The following POLR3E variants were observed in gnomAD, a reference collection of about 807,000 sequenced individuals.
POLR3E encodes RNA polymerase III subunit E, also known as DNA-directed RNA polymerase III subunit RPC5.
A neutral mutation model predicts 96.6 loss-of-function variants in POLR3E; 41 were observed. The observed-to-expected ratio is 0.42, with a 90% CI of 0.33 to 0.55. The LOEUF (loss-of-function observed/expected upper bound fraction) is 0.55. POLR3E is among the 20% of genes least tolerant of loss of function. The pLI, the probability that POLR3E is intolerant of heterozygous loss-of-function variation, is 0.06. For synonymous variants in POLR3E, 396 were observed against 383.6 expected (o/e 1.03, Z -0.38); for missense variants, 849 against 952.1 (o/e 0.89, Z 1.43).
chr16:22,332,046 T>G lies in POLR3E; in HGVS notation c.1945-14T>G, dbSNP rs780000129. 16 of 1,612,674 alleles carry G rather than the reference T, an allele frequency of 9.9e-6. No individual in the cohort carries two copies. In the South Asian group the frequency reaches 1.6e-4, roughly 17 times the overall value. ...ATCACTGTTTCCCATCATAACGTGT[T>G]TTTGCTACTAAAGCATCGACAGGTT... On this transcript the variant is annotated splice_polypyrimidine_tract_variant and intron_variant, in intron 19 of 20. Coordinates refer to ENST00000299853, the MANE Select transcript of POLR3E (RefSeq NM_018119.4).
At position 22,313,002 on chromosome 16, in the gene POLR3E, C is replaced by T. The variant is rs184830195; in HGVS notation, c.365-618C>T. On this transcript the variant is annotated intron_variant, in intron 6 of 20. Coordinates refer to ENST00000299853, the MANE Select transcript of POLR3E (RefSeq NM_018119.4). This position sits in a 1 kb window ranked among gnomAD's most constrained non-coding sequence, Gnocchi z 4.1. ...ATCAAAAGTAGTGTCATATAACTCG[C>T]GCGTTCTGTTTAGAACCCATGTCTC... 3.9e-5 allele frequency among the ~76,000 whole-genome samples: 6 copies of T among 152,186 alleles called. No individual in the cohort carries two copies. The highest frequency in any genetic ancestry group is 4.1e-4 in the South Asian group (2 of 4,828).
chr16:22,325,735 G>C, intron 17 of POLR3E, 26 bp from the exon 18 acceptor site: 1 of 1,528,814 alleles, frequency 6.5e-7, no homozygotes, highest in South Asian at 1.3e-5. Context: ...GTGCCCTCCT[G>C]AGCAGTGCTG....
At chr16:22,317,287 C>G (rs1272263245) in intron 12 of POLR3E, 81 bp downstream of exon 12, 2 of 1,044,038 alleles carry the variant, frequency 1.9e-6, no homozygotes, top group Non-Finnish European at 2.9e-6. Context: ...CAGTGAGGAC[C>G]AGGGGACAAG....
In POLR3E at chr16:22,313,380, C is replaced by T. The variant is rs564746947; in HGVS notation, c.365-240C>T. ...GAGGTGGGACTGAAGGAAGTGGCTT[C>T]GAACAGAAGAGTCCAGGTTCCTGTC... On this transcript the variant is annotated intron_variant, in intron 6 of 20. Coordinates refer to ENST00000299853, the MANE Select transcript of POLR3E (RefSeq NM_018119.4). The surrounding 1 kb of genome is among the most constrained non-coding windows in gnomAD (Gnocchi z 4.1). Among the ~76,000 whole-genome samples the T allele has an allele frequency of 1.3e-5, 2 of 152,160 alleles. No homozygotes were observed. The highest frequency in any genetic ancestry group is 2.1e-4 in the South Asian group (1 of 4,812).
Position 22,326,257 on chromosome 16 carries a change from T to C in POLR3E, c.1845T>C (p.Gly615=), listed in dbSNP as rs779186798. ...RMLQDTVLAA[G]CKQILVPFPP... is the part of the protein sequence containing the mutation. ...TACAGGACACGGTGCTGGCCGCCGG[T>C]TGCAAGCAGATACTGGTGCCTGTAA... The change falls in exon 18 of 21, where the codon GGT becomes GGC. Residue 615 remains glycine (G), a synonymous_variant. Transcript: ENST00000299853. 4.6e-6 allele frequency: 7 copies of C among 1,535,408 alleles called. No homozygotes were observed. In the East Asian group the frequency reaches 1.6e-4, roughly 34 times the overall value.
intron 13 of POLR3E, among the ~76,000 whole-genome samples, chr16:22,320,705 G>C (rs185262314): frequency 3.5e-4 from 54 of 152,222 alleles, no homozygotes; most frequent in Non-Finnish European, 3.5e-4. Context: ...ATTTCGTTCT[G>C]CCTAAAGAAT....
Position 22,328,558 on chromosome 16 carries a change from C to T in POLR3E, c.1915C>T (p.Leu639Phe). 6.2e-7 allele frequency: 1 copy of T among 1,614,074 alleles called. No individual in the cohort carries two copies. The highest frequency in any genetic ancestry group is 8.5e-7 in the Non-Finnish European group (1 of 1,179,968). The change falls in exon 19 of 21, where the codon CTC becomes TTC. Residue 639 changes from leucine (L) to phenylalanine (F), a missense_variant. Leu to Phe is a conservative substitution (Grantham distance 22). Transcript: ENST00000299853. ...ASPDEQKVFA[L>F]WESGDMSDQH... ...CCCGGATGAGCAGAAGGTGTTTGCC[C>T]TCTGGGAGTCTGGAGACATGAGTGA...
At chr16:22,324,239 C>T in intron 14 of POLR3E, 115 bp from the exon 15 acceptor site, 1 of 772,820 alleles carries the variant, frequency 1.3e-6, no homozygotes, top group East Asian at 2.5e-5. Flanking sequence ...GAATCAAGGC[C>T]AGGAGCCTAG....
At chr16:22,297,645 G>C (rs2141711241) in intron 1 of POLR3E, 108 bp downstream of exon 1, 1 of 152,800 alleles carries the variant, frequency 6.5e-6, no homozygotes, top group African/African-American at 2.4e-5. Flanking sequence ...GCGCCGCGCT[G>C]TGCCTAGCAG....
intron 6 of POLR3E, among the ~76,000 whole-genome samples, chr16:22,312,310 CATG>C (rs1179614578): frequency 6.6e-6 from 1 of 152,012 alleles, no homozygotes; most frequent in African/African-American, 2.4e-5. Flanking sequence ...GCCTGGCCAA[CATG>C]ATAAAATCTC....
At chr16:22,324,059 C>T (rs549865517) in intron 14 of POLR3E, among the ~76,000 whole-genome samples, 2 of 150,498 alleles carry the variant, frequency 1.3e-5, no homozygotes, top group African/African-American at 5.0e-5. Context: ...CCCGAGTCCT[C>T]ATCGTATCCT....
Position 22,309,436 on chromosome 16 carries a change from T to C in POLR3E, c.290T>C (p.Met97Thr). The C allele has an allele frequency of 6.2e-7, 1 of 1,613,224 alleles. No homozygotes were observed. Among genetic ancestry groups the C allele is most frequent in the Non-Finnish European group, 8.5e-7 (1 of 1,179,386 alleles). ...TTCTCCCTGTGCTCCAGGAAGCTGA[T>C]GGACAAGCAGACCTTCTGCTCTTCC... is the stretch of plus-strand genomic sequence containing the variant. ...DETSTYSSKL[M>T]DKQTFCSSQT... The change falls in exon 6 of 21, where the codon ATG becomes ACG. Residue 97 changes from methionine (M) to threonine (T), a missense_variant. Transcript: ENST00000299853.
chr16:22,314,928 G>C (rs2048323178), intron 8 of POLR3E, 161 bp from the exon 9 acceptor site: 1 of 665,904 alleles, frequency 1.5e-6, no homozygotes, highest in African/African-American at 1.8e-5. Context: ...AGCTCTGGGA[G>C]GGACACGGTT....
intron 10 of POLR3E, 101 bp from the exon 11 acceptor site, chr16:22,316,894 G>A (rs2141774927): frequency 5.5e-6 from 7 of 1,283,634 alleles, no homozygotes; most frequent in South Asian, 1.2e-5. Flanking sequence ...GGGCGGGGGT[G>A]GGCTGTCTGC....
intron 9 of POLR3E, among the ~76,000 whole-genome samples, chr16:22,315,520 A>C: frequency 6.6e-6 from 1 of 152,128 alleles, no homozygotes; most frequent in East Asian, 1.9e-4. Flanking sequence ...CAGGCCCTAA[A>C]CGCAGGCCAG....
chr16:22,328,668 C>T (rs1253685495), intron 19 of POLR3E, 81 bp downstream of exon 19: 12 of 1,107,228 alleles, frequency 1.1e-5, no homozygotes, highest in African/African-American at 1.5e-5. Context: ...GACATGTGCA[C>T]CCAAAGTGCA....
intron 2 of POLR3E, among the ~76,000 whole-genome samples, chr16:22,303,670 T>G (rs1007397622): frequency 2.8e-5 from 4 of 144,014 alleles, no homozygotes; most frequent in African/African-American, 1.1e-4. Flanking sequence ...AGACAGAGTC[T>G]TGCTCTGTTG....
Position 22,324,646 on chromosome 16 carries a change from G to A in POLR3E, c.1272G>A (p.Thr424=), listed in dbSNP as rs764238115. Residue 424 remains threonine, a synonymous_variant, in exon 16 of 21, where the codon ACG becomes ACA. Coordinates refer to ENST00000299853, the MANE Select transcript of POLR3E (RefSeq NM_018119.4). ...DVVQRQHMLW[T]GIQAKLEKVY... The stretch of plus-strand genomic sequence containing the variant: ...TCCAGCGGCAGCACATGCTGTGGAC[G>A]GGTATCCAGGCCAAGTAAGCACCCT... The A allele has an allele frequency of 2.6e-5, 42 of 1,613,796 alleles. No homozygotes were observed. The East Asian group carries it at 2.9e-4, about 11-fold the overall frequency.
At chr16:22,304,289 G>A (rs1277931358) in intron 2 of POLR3E, among the ~76,000 whole-genome samples, 1 of 152,184 alleles carries the variant, frequency 6.6e-6, no homozygotes, top group Non-Finnish European at 1.5e-5. Context: ...GAAGGTCCTC[G>A]GAGATGAATA....
Sources: allele counts gnomAD v4.1 joint callset (sites outside exome capture counted in the v4.1 genomes callset), GRCh38; gene constraint gnomAD v4.1.1; non-coding constraint Gnocchi (gnomAD v3.1); transcripts MANE v1.5; gene names NCBI Gene and HGNC (gene_info 2026-07-23, HGNC 2026-07-21).